The following ABCA12 variants were observed in gnomAD, a reference collection of about 807,000 sequenced individuals.
The protein encoded by ABCA12 is ATP binding cassette subfamily A member 12.
A neutral mutation model predicts 293.5 loss-of-function variants in ABCA12; 156 were observed. The observed-to-expected ratio is 0.53, with a 90% confidence interval of 0.47 to 0.61. ABCA12 has a LOEUF of 0.61. Among genes scored for constraint, ABCA12 ranks in the 20% least tolerant of loss-of-function variants. ABCA12 has a pLI of 0.00. For missense variants in ABCA12, 2,797 were observed against 3,090.2 expected (o/e 0.91, Z 2.25); for synonymous variants, 1,063 against 1,108.0 (o/e 0.96, Z 0.81).
intron 42 of ABCA12, 97 bp from the exon 43 acceptor site, chr2:214,955,458 G>C: frequency 1.6e-6 from 2 of 1,240,078 alleles, no homozygotes; most frequent in Non-Finnish European, 2.3e-6. Flanking sequence ...GAGGCAGGTG[G>C]ATCACTTGAG....
intron 2 of ABCA12, among the ~76,000 whole-genome samples, chr2:215,065,170 A>G (rs1701616800): frequency 6.6e-6 from 1 of 151,852 alleles, no homozygotes; most frequent in Admixed American, 6.6e-5. Context: ...TCTTTTCACA[A>G]TTAGGTTTGC....
chr2:215,047,992 C>T (rs1420904104), intron 6 of ABCA12, among the ~76,000 whole-genome samples: 1 of 150,500 alleles, frequency 6.6e-6, no homozygotes, highest in African/African-American at 2.4e-5. Flanking sequence ...AAAAACTCCA[C>T]TAAAAAGTGG....
chr2:215,046,057 A>T (rs1431594274), intron 6 of ABCA12, 42 bp from the exon 7 acceptor site: 1 of 1,591,194 alleles, frequency 6.3e-7, no homozygotes, highest in Non-Finnish European at 8.6e-7. Context: ...TGAGACTTTA[A>T]CATTTGTAAT....
intron 1 of ABCA12, among the ~76,000 whole-genome samples, chr2:215,131,705 T>G (rs1273565512): frequency 3.8e-4 from 2 of 5,196 alleles, no homozygotes; most frequent in Admixed American, 3.7e-3. Context: ...TTCTATTGTT[T>G]TTTTTTTTTT....
intron 35 of ABCA12, 62 bp downstream of exon 35, chr2:214,974,716 C>A: frequency 6.8e-7 from 1 of 1,464,160 alleles, no homozygotes; most frequent in Non-Finnish European, 9.6e-7. Context: ...CACCCACATA[C>A]ACATGCACAC....
chr2:215,093,669 T>A (rs902133227), intron 2 of ABCA12, among the ~76,000 whole-genome samples: 1 of 152,240 alleles, frequency 6.6e-6, no homozygotes, highest in African/African-American at 2.4e-5. Context: ...TATGCTCAAC[T>A]CACTTTCTAT....
At chr2:214,982,782 A>G (rs943217072) in intron 29 of ABCA12, among the ~76,000 whole-genome samples, 3 of 152,192 alleles carry the variant, frequency 2.0e-5, no homozygotes, top group Non-Finnish European at 4.4e-5. Flanking sequence ...TGTTCTAGTA[A>G]GTGTGTGTAT....
intron 1 of ABCA12, among the ~76,000 whole-genome samples, chr2:215,114,863 A>C (rs1160468562): frequency 2.6e-5 from 4 of 152,336 alleles, no homozygotes; most frequent in East Asian, 1.9e-4. Flanking sequence ...GAGTAGACTT[A>C]ATGCCCCATA....
intron 2 of ABCA12, among the ~76,000 whole-genome samples, chr2:215,076,943 A>C (rs1274428070): frequency 1.3e-5 from 2 of 152,228 alleles, no homozygotes; most frequent in Non-Finnish European, 2.9e-5. Flanking sequence ...TATGTGATGT[A>C]GTCAAGTATA....
Position 215,011,712 on chromosome 2 carries a change from CAGAG to C in ABCA12, c.2122-67_2122-64del, listed in dbSNP as rs922731270. On this transcript the variant is annotated intron_variant, in intron 16 of 52. Coordinates refer to ENST00000272895, the MANE Select transcript of ABCA12 (RefSeq NM_173076.3). ...GAGCTTTAGAAGCTACTGAAAACAA[CAGAG>C]AAAGAGAACCTGATAATACTTAGAG... 5 of 1,491,004 alleles carry C rather than the reference CAGAG, an allele frequency of 3.4e-6. No individual in the cohort carries two copies. In the African/African-American group the frequency reaches 4.2e-5, roughly 13 times the overall value. The allele number at this position is 1,491,004 out of a possible 1,614,324, so 92.4% of individuals were successfully genotyped here.
At chr2:215,134,902 C>G (rs929694070) in intron 1 of ABCA12, among the ~76,000 whole-genome samples, 2 of 151,972 alleles carry the variant, frequency 1.3e-5, no homozygotes, top group African/African-American at 4.8e-5. Flanking sequence ...CCTGCCTTGG[C>G]CTCTCAAAGG....
chr2:215,134,547 CGTATAT>C (rs1226279592), intron 1 of ABCA12, among the ~76,000 whole-genome samples: 2 of 94,374 alleles, frequency 2.1e-5, no homozygotes, highest in Middle Eastern at 6.7e-3. Flanking sequence ...TACATATATA[CGTATAT>C]GTATATATGT....
Position 215,064,158 on chromosome 2 carries a change from G to A in ABCA12, c.225C>T (p.Leu75=). 6.2e-7 allele frequency: 1 copy of A among 1,612,960 alleles called. No individual in the cohort carries two copies. Among genetic ancestry groups the A allele is most frequent in the Non-Finnish European group, 8.5e-7 (1 of 1,179,266 alleles). The part of the protein sequence containing the change: ...TGFFPFLQTL[L]CDTDSKCKDT... ...CTTTGCATTTAGAGTCTGTGTCACA[G>A]AGTAGGGTCTGCAGGAATGGAAAGA... Residue 75 remains leucine (L), a synonymous_variant, in exon 3 of 53, where the codon CTC becomes CTT. Transcript: ENST00000272895.
At chr2:215,137,281 G>A (rs1703249752) in intron 1 of ABCA12, among the ~76,000 whole-genome samples, 1 of 152,160 alleles carries the variant, frequency 6.6e-6, no homozygotes, top group East Asian at 1.9e-4. Flanking sequence ...TGGTTTCTGT[G>A]TGATGCATAT....
intron 2 of ABCA12, among the ~76,000 whole-genome samples, chr2:215,073,792 C>A (rs75378121): frequency 1.3e-5 from 2 of 152,080 alleles, no homozygotes; most frequent in Non-Finnish European, 2.9e-5. Context: ...ACTGAGAGAA[C>A]GAGTTGAGGA....
At position 215,138,372 on chromosome 2, in the gene ABCA12, C is replaced by A; in HGVS notation, c.-164G>T. The A allele has an allele frequency of 1.4e-6, 1 of 736,020 alleles. No homozygotes were observed. Among genetic ancestry groups the A allele is most frequent in the Non-Finnish European group, 2.4e-6 (1 of 419,408 alleles). The allele number at this position is 736,020 out of a possible 1,614,324, so 45.6% of individuals were successfully genotyped here. ...GAAACCCACAGTTCTTCTGTTTCTG[C>A]TGGATTTTTCCCTGTGGTTAATCCT... On this transcript the variant is annotated 5_prime_UTR_variant, in exon 1 of 53. Coordinates refer to ENST00000272895, the MANE Select transcript of ABCA12 (RefSeq NM_173076.3).
intron 8 of ABCA12, among the ~76,000 whole-genome samples, chr2:215,033,035 G>C (rs1319230110): frequency 6.6e-6 from 1 of 152,126 alleles, no homozygotes; most frequent in Non-Finnish European, 1.5e-5. Context: ...TTTAAGTAAC[G>C]TTTGTACAGC....
chr2:215,058,075 T>C (rs1026717182), intron 3 of ABCA12, among the ~76,000 whole-genome samples: 2 of 151,990 alleles, frequency 1.3e-5, no homozygotes, highest in Admixed American at 6.6e-5. Context: ...GTTAGTCCCA[T>C]TTGTGTTTGT....
intron 49 of ABCA12, among the ~76,000 whole-genome samples, chr2:214,944,215 CA>C (rs1698501994): frequency 6.6e-6 from 1 of 151,966 alleles, no homozygotes; most frequent in Admixed American, 6.6e-5. Context: ...AATTTGAGAC[CA>C]GCCTGGCCAA....
Sources: allele counts gnomAD v4.1 joint callset (sites outside exome capture counted in the v4.1 genomes callset), GRCh38; gene constraint gnomAD v4.1.1; transcripts MANE v1.5; gene names NCBI Gene and HGNC (gene_info 2026-07-23, HGNC 2026-07-21).